The following ESR1 variants were observed in gnomAD, a reference collection of about 807,000 sequenced individuals.
The protein encoded by ESR1 is estrogen receptor.
ESR1 carries 12 observed loss-of-function variants against 52.7 expected under a neutral mutation model. The observed-to-expected ratio is 0.23, with a 90% CI of 0.15 to 0.37. The LOEUF (loss-of-function observed/expected upper bound fraction) is 0.37. ESR1 is among the 10% of genes least tolerant of loss of function. ESR1 has a pLI of 1.00. For synonymous variants in ESR1, 305 were observed against 316.8 expected, an observed-to-expected ratio of 0.96 and a Z score of 0.39; for missense variants, 584 against 779.7, an observed-to-expected ratio of 0.75 and a Z score of 2.99.
chr6:151,987,250 T>G (rs1291231514), intron 4 of ESR1, among the ~76,000 whole-genome samples: 1 of 152,008 alleles, frequency 6.6e-6, no homozygotes, highest in Non-Finnish European at 1.5e-5. Flanking sequence ...TTCACCAAAG[T>G]CTTTTTTAAA....
At chr6:151,785,820 T>C (rs1280167339) in intron 2 of ESR1, among the ~76,000 whole-genome samples, 1 of 152,188 alleles carries the variant, frequency 6.6e-6, no homozygotes, top group African/African-American at 2.4e-5. Flanking sequence ...GCAATGAGAT[T>C]TGTCAGGAAG....
intron 3 of ESR1, among the ~76,000 whole-genome samples, chr6:151,896,218 C>G (rs1172986810): frequency 6.6e-6 from 1 of 152,064 alleles, no homozygotes. Context: ...AGGGAGGATT[C>G]CCTCTTTCTT....
At chr6:152,038,648 A>T (rs995609191) in intron 5 of ESR1, among the ~76,000 whole-genome samples, 63 of 149,924 alleles carry the variant, frequency 4.2e-4, no homozygotes, top group East Asian at 4.0e-3. Flanking sequence ...TTTTTTTTTT[A>T]AAAGATGGAG....
chr6:152,019,997 A>AT (rs773499242), intron 5 of ESR1, among the ~76,000 whole-genome samples: 7 of 152,196 alleles, frequency 4.6e-5, no homozygotes, highest in Non-Finnish European at 8.8e-5. Flanking sequence ...GGAGTTTACT[A>AT]TTGAGTGGTA....
At chr6:151,902,522 T>C (rs144145074) in intron 3 of ESR1, among the ~76,000 whole-genome samples, 2 of 152,360 alleles carry the variant, frequency 1.3e-5, no homozygotes, top group East Asian at 1.9e-4. Context: ...AATTGATGTA[T>C]AGATGTCAGA....
chr6:151,748,491 A>G (rs1783651901), intron 2 of ESR1, among the ~76,000 whole-genome samples: 1 of 152,184 alleles, frequency 6.6e-6, no homozygotes, highest in African/African-American at 2.4e-5. Context: ...CAGCTTTTCT[A>G]ATGAAGGGCA....
chr6:152,120,452 C>A (rs2813550), intron 6 of ESR1, among the ~76,000 whole-genome samples: 126,878 of 152,092 alleles, frequency 0.83, 53,488 homozygotes, highest in African/African-American at 0.95. Flanking sequence ...GGGCGGGGGG[C>A]GATCCATCGT....
intron 5 of ESR1, among the ~76,000 whole-genome samples, chr6:152,051,552 T>C (rs1397125612): frequency 6.6e-6 from 1 of 152,146 alleles, no homozygotes; most frequent in Non-Finnish European, 1.5e-5. Flanking sequence ...GTATGTCTTT[T>C]GCAGGCTCAT....
upstream of ESR1, among the ~76,000 whole-genome samples, chr6:151,689,465 G>A (rs9479100): frequency 1.7e-3 from 252 of 152,300 alleles, 1 homozygote; most frequent in African/African-American, 5.8e-3. Flanking sequence ...GTATTCTGGA[G>A]AAGTTACTCT....
At chr6:151,786,718 G>GA (rs934048739) in intron 2 of ESR1, among the ~76,000 whole-genome samples, 2 of 148,768 alleles carry the variant, frequency 1.3e-5, no homozygotes, top group East Asian at 3.9e-4. Context: ...TCCTTGAAAA[G>GA]AAAAAAAATA....
intron 5 of ESR1, among the ~76,000 whole-genome samples, chr6:152,023,148 T>C (rs987841932): frequency 6.6e-6 from 1 of 152,104 alleles, no homozygotes. Flanking sequence ...CAGTATAATA[T>C]GTTAAATCTA....
At chr6:151,956,816 A>G (rs1013446591) in intron 4 of ESR1, among the ~76,000 whole-genome samples, 2 of 77,800 alleles carry the variant, frequency 2.6e-5, no homozygotes, top group African/African-American at 3.9e-5. Context: ...ATATAAATAT[A>G]TATAAAAATA....
At chr6:151,877,043 C>T (rs1791954105) in intron 2 of ESR1, among the ~76,000 whole-genome samples, 1 of 151,310 alleles carries the variant, frequency 6.6e-6, no homozygotes, top group South Asian at 2.1e-4. Context: ...AAAATCAACT[C>T]TACTTCAGTA....
chr6:152,035,650 T>G (rs142560524), intron 5 of ESR1, among the ~76,000 whole-genome samples: 1 of 152,294 alleles, frequency 6.6e-6, no homozygotes, highest in African/African-American at 2.4e-5. Flanking sequence ...TAAAAAACTA[T>G]AATTCAGTTC....
At chr6:152,072,770 T>G (rs749781348) in intron 6 of ESR1, among the ~76,000 whole-genome samples, 12 of 152,208 alleles carry the variant, frequency 7.9e-5, no homozygotes, top group Non-Finnish European at 1.6e-4. Flanking sequence ...GAACATTTAT[T>G]TATTCTTTAA....
chr6:152,075,826 T>C (rs566403922), intron 6 of ESR1, among the ~76,000 whole-genome samples: 2 of 152,222 alleles, frequency 1.3e-5, no homozygotes, highest in Non-Finnish European at 2.9e-5. Flanking sequence ...TCATTTTTTT[T>C]CTGCATTTTA....
chr6:151,705,426 A>G (rs1780113564), intron 2 of ESR1, among the ~76,000 whole-genome samples: 2 of 152,200 alleles, frequency 1.3e-5, no homozygotes, highest in Admixed American at 1.3e-4. Flanking sequence ...CTAAACACAT[A>G]TGAACTAAAG....
At chr6:151,840,429 T>C (rs1784109300) in intron 1 of ESR1, among the ~76,000 whole-genome samples, 1 of 152,164 alleles carries the variant, frequency 6.6e-6, no homozygotes, top group Non-Finnish European at 1.5e-5. Context: ...GAATTCCTAT[T>C]TGAGGCTGCC....
intron 2 of ESR1, among the ~76,000 whole-genome samples, chr6:151,774,863 A>G (rs1340552469): frequency 2.0e-5 from 3 of 152,246 alleles, no homozygotes; most frequent in South Asian, 2.1e-4. Flanking sequence ...TAACACCATT[A>G]TATAAATAAC....
Sources: gnomAD v4.1 joint callset for allele counts (sites outside exome capture counted in the v4.1 genomes callset) on GRCh38, gnomAD v4.1.1 for gene constraint, MANE v1.5 for transcripts, NCBI Gene and HGNC (gene_info 2026-07-23, HGNC 2026-07-21) for gene names.